Variants in ALK observed in about 807,000 individuals in gnomAD.
ALK encodes the protein ALK receptor tyrosine kinase.
A neutral mutation model predicts 163.1 loss-of-function variants in ALK; 74 were observed. The observed-to-expected ratio is 0.45, with a 90% confidence interval of 0.38 to 0.55. ALK has a LOEUF of 0.55. ALK is among the 20% of genes least tolerant of loss of function. ALK has a pLI of 0.00. For synonymous variants in ALK, 960 were observed against 843.2 expected (o/e 1.14, Z -2.40); for missense variants, 2,063 against 2,105.3 (o/e 0.98, Z 0.39).
intron 5 of ALK, among the ~76,000 whole-genome samples, chr2:29,358,631 A>G (rs1668311027): frequency 6.6e-6 from 1 of 152,238 alleles, no homozygotes; most frequent in African/African-American, 2.4e-5. Flanking sequence ...ATTGTTTGCC[A>G]GTTCTACTTG....
chr2:29,647,033 G>A (rs1308987653), intron 3 of ALK, among the ~76,000 whole-genome samples: 5 of 152,152 alleles, frequency 3.3e-5, no homozygotes, highest in South Asian at 2.1e-4. Flanking sequence ...TGGGGTGAAT[G>A]AATGGATGAA....
At chr2:29,505,050 G>A (rs1672281538) in intron 4 of ALK, among the ~76,000 whole-genome samples, 1 of 152,200 alleles carries the variant, frequency 6.6e-6, no homozygotes, top group Non-Finnish European at 1.5e-5. Flanking sequence ...AAGGTCCAGT[G>A]TGGTTAGGAT....
At chr2:29,438,105 A>G (rs1444076762) in intron 4 of ALK, among the ~76,000 whole-genome samples, 1 of 151,920 alleles carries the variant, frequency 6.6e-6, no homozygotes, top group African/African-American at 2.4e-5. Flanking sequence ...AAGTTCCACT[A>G]GTGTCTGCCA....
At chr2:29,628,396 A>AT (rs1012513571) in intron 3 of ALK, among the ~76,000 whole-genome samples, 2 of 152,238 alleles carry the variant, frequency 1.3e-5, no homozygotes, top group Non-Finnish European at 2.9e-5. Context: ...ACTCTACTGC[A>AT]TTTTTTTCTT....
chr2:29,856,823 A>C (rs1009909520), intron 1 of ALK, among the ~76,000 whole-genome samples: 3 of 152,224 alleles, frequency 2.0e-5, no homozygotes, highest in African/African-American at 7.2e-5. Flanking sequence ...CTAAGAAAGA[A>C]TCCCTAACAA....
chr2:29,765,369 A>C (rs1410377506), intron 1 of ALK, among the ~76,000 whole-genome samples: 3 of 151,998 alleles, frequency 2.0e-5, no homozygotes, highest in Non-Finnish European at 4.4e-5. Context: ...GCTTCTCATG[A>C]GCTCTCTCCA....
intron 5 of ALK, among the ~76,000 whole-genome samples, chr2:29,332,092 T>A (rs13013613): frequency 2.0e-5 from 3 of 151,088 alleles, no homozygotes; most frequent in Non-Finnish European, 2.9e-5. Context: ...CAAGACCATC[T>A]GGGCTAACAT....
intron 9 of ALK, among the ~76,000 whole-genome samples, chr2:29,289,926 G>C (rs1361277174): frequency 6.6e-6 from 1 of 152,162 alleles, no homozygotes; most frequent in Non-Finnish European, 1.5e-5. Context: ...CCAGCTCCCA[G>C]GACTCGTGTT....
intron 11 of ALK, among the ~76,000 whole-genome samples, chr2:29,254,643 G>A (rs1429781843): frequency 6.6e-6 from 1 of 152,194 alleles, no homozygotes; most frequent in East Asian, 1.9e-4. Flanking sequence ...TTTAAAATGT[G>A]AACAATTGGA....
chr2:29,209,099 C>T (rs1243410122), intron 25 of ALK, among the ~76,000 whole-genome samples: 1 of 149,844 alleles, frequency 6.7e-6, no homozygotes. Context: ...TGTTAGAAGC[C>T]ATAGCCACTT....
chr2:29,299,207 C>G (rs1666295079), intron 8 of ALK, among the ~76,000 whole-genome samples: 1 of 152,160 alleles, frequency 6.6e-6, no homozygotes, highest in East Asian at 1.9e-4. Context: ...AGTGCCTCTC[C>G]CTCTCCACTC....
At chr2:29,347,269 G>A (rs1325804133) in intron 5 of ALK, among the ~76,000 whole-genome samples, 1 of 152,192 alleles carries the variant, frequency 6.6e-6, no homozygotes, top group African/African-American at 2.4e-5. Context: ...CCTGCCTGAG[G>A]AGAGAGATCC....
At chr2:29,850,410 TG>T (rs1665959461) in intron 1 of ALK, among the ~76,000 whole-genome samples, 1 of 152,120 alleles carries the variant, frequency 6.6e-6, no homozygotes, top group Non-Finnish European at 1.5e-5. Context: ...AAAAATTCTT[TG>T]TGCTATGCAC....
intron 1 of ALK, among the ~76,000 whole-genome samples, chr2:29,764,390 C>A (rs137932762): frequency 7.7e-4 from 117 of 152,326 alleles, no homozygotes; most frequent in African/African-American, 2.6e-3. Flanking sequence ...TTGGTGACCA[C>A]ACTTACAGCT....
chr2:29,614,835 G>A (rs548412266), intron 3 of ALK, among the ~76,000 whole-genome samples: 12 of 151,920 alleles, frequency 7.9e-5, no homozygotes, highest in Non-Finnish European at 1.3e-4. Flanking sequence ...CCCTCCCCTG[G>A]TTTTTGGCTA....
Position 29,763,031 on chromosome 2 carries a change from G to A in ALK, c.668-45334C>T, listed in dbSNP as rs1409110689. ...GAACCAGGGAGGCGGAGGTTGCAGTGAGCCGAGATCGCGCCACTGCACTCG... is the reference window on the plus strand; with the variant it reads ...GAACCAGGGAGGCGGAGGTTGCAGTAAGCCGAGATCGCGCCACTGCACTCG... On this transcript the variant is annotated intron_variant, in intron 1 of 28. Coordinates refer to ENST00000389048, the MANE Select transcript of ALK (RefSeq NM_004304.5). Among the ~76,000 whole-genome samples, 10 of 149,080 alleles carry A rather than the reference G, an allele frequency of 6.7e-5. No homozygotes were observed. The East Asian group carries it at 2.0e-3, about 30-fold the overall frequency.
At chr2:29,423,205 TA>T (rs1424063126) in intron 4 of ALK, among the ~76,000 whole-genome samples, 1 of 152,128 alleles carries the variant, frequency 6.6e-6, no homozygotes, top group African/African-American at 2.4e-5. Context: ...CATTTAATTC[TA>T]AAAGAAAAAT....
chr2:29,698,061 T>C (rs1336342506), intron 2 of ALK, among the ~76,000 whole-genome samples: 2 of 152,232 alleles, frequency 1.3e-5, no homozygotes, highest in African/African-American at 4.8e-5. Flanking sequence ...GGAGCTGCCA[T>C]CCTTCTGGCC....
At chr2:29,625,615 T>C (rs1382751735) in intron 3 of ALK, among the ~76,000 whole-genome samples, 4 of 152,238 alleles carry the variant, frequency 2.6e-5, no homozygotes. Context: ...GTTAGGCATT[T>C]TCATCACTGT....
Sources: allele counts gnomAD v4.1 joint callset (sites outside exome capture counted in the v4.1 genomes callset), GRCh38; gene constraint gnomAD v4.1.1; transcripts MANE v1.5; gene names NCBI Gene and HGNC (gene_info 2026-07-23, HGNC 2026-07-21).